NCAM2: variants seen among roughly 807,000 people sequenced by gnomAD.
The protein encoded by NCAM2 is neural cell adhesion molecule 2.
Under a neutral mutation model 98.1 loss-of-function variants are expected in NCAM2, and 30 were observed. That is an observed-to-expected ratio of 0.31 (90% CI 0.23 to 0.41). The LOEUF (loss-of-function observed/expected upper bound fraction) is 0.41. Among genes scored for constraint, NCAM2 ranks in the 10% least tolerant of loss-of-function variants. The pLI is 1.00. For synonymous variants in NCAM2, 368 were observed against 342.4 expected (o/e 1.07, Z -0.83); for missense variants, 867 against 1,005.8 (o/e 0.86, Z 1.87).
intron 12 of NCAM2, among the ~76,000 whole-genome samples, chr21:21,445,224 G>A (rs1341597005): frequency 6.6e-6 from 1 of 152,154 alleles, no homozygotes; most frequent in East Asian, 1.9e-4. Context: ...CAGTTATTTT[G>A]CATTTGCTGA....
At chr21:21,383,481 C>T (rs957741205) in intron 9 of NCAM2, among the ~76,000 whole-genome samples, 5 of 152,086 alleles carry the variant, frequency 3.3e-5, no homozygotes, top group South Asian at 2.1e-4. Context: ...AACTAGGGCC[C>T]GTCCCCTGGG....
chr21:21,541,578 G>A lies in NCAM2; in HGVS notation c.*3621G>A, dbSNP rs935461210. On this transcript the variant is annotated 3_prime_UTR_variant, in exon 18 of 18. Coordinates refer to ENST00000400546, the MANE Select transcript of NCAM2 (RefSeq NM_004540.5). Reference sequence around the variant, plus strand: ...TTTTGAAAATCAAGCAAATTACTATGGTGTTTCTTGGGTCTTCATTATTCC... The same window carrying A: ...TTTTGAAAATCAAGCAAATTACTATAGTGTTTCTTGGGTCTTCATTATTCC... 8 of 151,438 alleles carry A rather than the reference G, an allele frequency of 5.3e-5. No individual in the cohort carries two copies. Among genetic ancestry groups the A allele is most frequent in the African/African-American group, 1.7e-4 (7 of 41,320 alleles). The allele number at this position is 151,438 out of a possible 1,614,324, so 9.4% of individuals were successfully genotyped here. A position where few individuals can be genotyped will look rare whatever the true frequency, so the allele number is the denominator to read the frequency against.
intron 12 of NCAM2, among the ~76,000 whole-genome samples, chr21:21,455,314 T>C (rs1208884722): frequency 6.6e-6 from 1 of 151,866 alleles, no homozygotes; most frequent in Non-Finnish European, 1.5e-5. Flanking sequence ...ATTTCATCGT[T>C]TTTACATTTA....
intron 1 of NCAM2, among the ~76,000 whole-genome samples, chr21:21,194,145 G>A (rs2068923438): frequency 6.6e-6 from 1 of 152,076 alleles, no homozygotes; most frequent in Non-Finnish European, 1.5e-5. Context: ...GGAATACAAT[G>A]TACAGTTCCA....
intron 11 of NCAM2, among the ~76,000 whole-genome samples, chr21:21,427,240 T>C (rs546190973): frequency 6.6e-6 from 1 of 151,726 alleles, no homozygotes; most frequent in East Asian, 1.9e-4. Flanking sequence ...AAAAGAGATC[T>C]TTATAATTCA....
chr21:21,510,751 GCA>G (rs879340558), intron 16 of NCAM2, among the ~76,000 whole-genome samples: 539 of 1,932 alleles, frequency 0.28, 10 homozygotes, highest in Admixed American at 0.47. Flanking sequence ...ACATATTTCT[GCA>G]TTTTTTGCTA....
At chr21:21,293,561 G>A (rs1008942712) in intron 5 of NCAM2, among the ~76,000 whole-genome samples, 3 of 151,754 alleles carry the variant, frequency 2.0e-5, no homozygotes, top group African/African-American at 4.8e-5. Flanking sequence ...TACAGAGTCC[G>A]ATATTTATTA....
intron 1 of NCAM2, among the ~76,000 whole-genome samples, chr21:21,103,628 A>G (rs1214392739): frequency 3.3e-5 from 5 of 152,040 alleles, no homozygotes; most frequent in African/African-American, 1.2e-4. Context: ...GTACTTTTAT[A>G]TGTGTGTTGC....
At chr21:21,336,219 G>T (rs925131982) in intron 7 of NCAM2, among the ~76,000 whole-genome samples, 1 of 152,076 alleles carries the variant, frequency 6.6e-6, no homozygotes, top group East Asian at 1.9e-4. Flanking sequence ...CAAGAAGAAA[G>T]ACAGTGATGG....
At chr21:21,429,773 G>T (rs902023242) in intron 11 of NCAM2, among the ~76,000 whole-genome samples, 1 of 152,050 alleles carries the variant, frequency 6.6e-6, no homozygotes, top group African/African-American at 2.4e-5. Flanking sequence ...AATTCTACAC[G>T]TGTGTTTGAA....
rs368163680 is a variant in NCAM2, at chr21:21,294,899, A to T, written c.619+2658A>T. ...CAGTGAAAATTTTGAGGCTGCAAAA[A>T]ATAATACCAATAAAATAAAAGTGCT... is the stretch of plus-strand genomic sequence containing the variant. On this transcript the variant is annotated intron_variant, in intron 5 of 17. Transcript: ENST00000400546. 2.0e-5 allele frequency among the ~76,000 whole-genome samples: 3 copies of T among 151,800 alleles called. No homozygotes were observed. The East Asian group carries it at 5.8e-4, about 29-fold the overall frequency.
At chr21:21,449,199 T>C (rs1408528626) in intron 12 of NCAM2, among the ~76,000 whole-genome samples, 2 of 152,034 alleles carry the variant, frequency 1.3e-5, no homozygotes, top group Non-Finnish European at 2.9e-5. Context: ...AATGAGCTTT[T>C]CTGTGCATGC....
At chr21:21,367,915 A>G (rs2075825857) in intron 8 of NCAM2, among the ~76,000 whole-genome samples, 1 of 151,942 alleles carries the variant, frequency 6.6e-6, no homozygotes, top group Admixed American at 6.6e-5. Context: ...TAAAGTAGGT[A>G]GGATGCCTGT....
At chr21:21,392,702 T>G (rs2145834037) in intron 9 of NCAM2, among the ~76,000 whole-genome samples, 1 of 152,302 alleles carries the variant, frequency 6.6e-6, no homozygotes, top group Admixed American at 6.5e-5. Flanking sequence ...TAATGATCAG[T>G]GATATTGAGC....
intron 8 of NCAM2, among the ~76,000 whole-genome samples, chr21:21,361,917 T>C (rs1289551635): frequency 6.6e-6 from 1 of 152,166 alleles, no homozygotes; most frequent in African/African-American, 2.4e-5. Flanking sequence ...TTACTTTTGG[T>C]TCAGACATAC....
intron 1 of NCAM2, among the ~76,000 whole-genome samples, chr21:21,109,428 A>T (rs2146520603): frequency 6.6e-6 from 1 of 152,304 alleles, no homozygotes. Context: ...CATACTATGT[A>T]CCCACCAAAA....
At chr21:21,404,520 A>G (rs950281698) in intron 9 of NCAM2, among the ~76,000 whole-genome samples, 1 of 152,154 alleles carries the variant, frequency 6.6e-6, no homozygotes. Flanking sequence ...TCAACAGCCA[A>G]GTGAAACTGC....
chr21:21,053,768 C>G (rs1601219093), intron 1 of NCAM2, among the ~76,000 whole-genome samples: 1 of 151,366 alleles, frequency 6.6e-6, no homozygotes, highest in Non-Finnish European at 1.5e-5. Context: ...TTTTATCCAT[C>G]TTAATTCCCC....
chr21:21,267,237 A>C (rs757807285), intron 1 of NCAM2, among the ~76,000 whole-genome samples: 1 of 152,178 alleles, frequency 6.6e-6, no homozygotes, highest in African/African-American at 2.4e-5. Context: ...ATTGATTGAG[A>C]AACTTGGTGA....
Sources: gnomAD v4.1 joint callset for allele counts (sites outside exome capture counted in the v4.1 genomes callset) on GRCh38, gnomAD v4.1.1 for gene constraint, MANE v1.5 for transcripts, NCBI Gene and HGNC (gene_info 2026-07-23, HGNC 2026-07-21) for gene names.